TAF12: variants seen among roughly 807,000 people sequenced by gnomAD.
The protein encoded by TAF12 is TATA-box binding protein associated factor 12, also known as transcription initiation factor TFIID subunit 12.
Under a neutral mutation model 20.8 loss-of-function variants are expected in TAF12, and 3 were observed. The ratio of observed to expected loss-of-function variants is 0.14; its 90% CI spans 0.07 to 0.37. The LOEUF (loss-of-function observed/expected upper bound fraction) is 0.37, where lower values mean the gene tolerates loss of function less well. Among genes scored for constraint, TAF12 ranks in the 10% least tolerant of loss-of-function variants. TAF12 has a pLI of 1.00. For missense variants in TAF12, 131 were observed against 197.9 expected (o/e 0.66, Z 2.03); for synonymous variants, 69 against 70.2 (o/e 0.98, Z 0.09).
intron 4 of TAF12, among the ~76,000 whole-genome samples, chr1:28,612,137 T>C (rs898619217): frequency 6.6e-6 from 1 of 152,150 alleles, no homozygotes; most frequent in African/African-American, 2.4e-5. Flanking sequence ...CGAATCTCAT[T>C]CATTTGGCCT....
chr1:28,618,091 C>A (rs1667098962), intron 2 of TAF12, 61 bp from the exon 3 acceptor site: 2 of 1,493,800 alleles, frequency 1.3e-6, no homozygotes, highest in East Asian at 2.3e-5. Context: ...CAAATCATTA[C>A]CCTGTAATGA....
Position 28,613,282 on chromosome 1 carries a change from C to G in TAF12, c.326G>C (p.Ser109Thr), listed in dbSNP as rs1410119848. 6.2e-7 allele frequency: 1 copy of G among 1,612,358 alleles called. No individual in the cohort carries two copies. Among genetic ancestry groups the G allele is most frequent in the Admixed American group, 1.7e-5 (1 of 59,696 alleles). Residue 109 changes from serine to threonine, a missense_variant, in exon 4 of 6, where the codon AGC (serine) becomes ACC (threonine). Transcript: ENST00000373824. ...CTGGACATCTTTCACCTCCAGGGTG[C>G]TAGACTTGCGATGCCGCGCAAGCTG... ...ACQLARHRKS[S>T]TLEVKDVQLH... is the part of the protein sequence containing the mutation.
chr1:28,605,319 C>A, intron 5 of TAF12, 53 bp downstream of exon 5: 1 of 1,586,930 alleles, frequency 6.3e-7, no homozygotes, highest in South Asian at 1.1e-5. Context: ...CACTCTGAGA[C>A]GTAACTCAAG....
chr1:28,615,678 CAAAAAAAAAAAAAAAAAAAAAA>C (rs57536422), intron 3 of TAF12, among the ~76,000 whole-genome samples: 1 of 34,494 alleles, frequency 2.9e-5, no homozygotes, highest in Admixed American at 5.7e-4. Context: ...GACTCCGTCT[CAAAAAAAAAAAAAAAAAAAAAA>C]AAAAAAAAAA....
upstream of TAF12, chr1:28,645,967 G>GA (rs35962385): frequency 0.01 from 1,478 of 142,468 alleles, 15 homozygotes; most frequent in Non-Finnish European, 0.014. Context: ...GACTGTCTGG[G>GA]AAAAAAAAAA....
At chr1:28,611,367 T>C (rs1434279885) in intron 4 of TAF12, among the ~76,000 whole-genome samples, 1 of 152,112 alleles carries the variant, frequency 6.6e-6, no homozygotes, top group Non-Finnish European at 1.5e-5. Flanking sequence ...CGTTATGGGT[T>C]ATTTAAAAGT....
chr1:28,619,010 T>C (rs1394339351), intron 2 of TAF12, among the ~76,000 whole-genome samples: 1 of 151,766 alleles, frequency 6.6e-6, no homozygotes, highest in African/African-American at 2.4e-5. Context: ...ATTGTGCCAC[T>C]ACACTCCAGC....
At chr1:28,640,360 TTA>T (rs1339886996) in intron 1 of TAF12, among the ~76,000 whole-genome samples, 1 of 152,210 alleles carries the variant, frequency 6.6e-6, no homozygotes, top group Non-Finnish European at 1.5e-5. Context: ...TTTCATTCAA[TTA>T]TATGTTTTGT....
intron 3 of TAF12, among the ~76,000 whole-genome samples, chr1:28,617,314 G>A (rs1667074537): frequency 6.6e-6 from 1 of 152,082 alleles, no homozygotes; most frequent in Admixed American, 6.6e-5. Context: ...AGATTTGTCT[G>A]TGCTCTTATT....
chr1:28,626,665 T>C (rs1398802740), intron 1 of TAF12, among the ~76,000 whole-genome samples: 1 of 151,696 alleles, frequency 6.6e-6, no homozygotes, highest in Non-Finnish European at 1.5e-5. Context: ...TCTCAGTACT[T>C]TGGGAGACCG....
chr1:28,610,974 A>C (rs1046977405), intron 4 of TAF12, among the ~76,000 whole-genome samples: 8 of 92,804 alleles, frequency 8.6e-5, no homozygotes, highest in South Asian at 3.1e-4. Flanking sequence ...AAAAAAAAAA[A>C]AAAAAAAAAC....
At chr1:28,606,257 A>C (rs1289105660) in intron 4 of TAF12, among the ~76,000 whole-genome samples, 1 of 152,048 alleles carries the variant, frequency 6.6e-6, no homozygotes, top group African/African-American at 2.4e-5. Context: ...TCGAACTCCC[A>C]AAGTTCTAGG....
chr1:28,637,421 C>T (rs1667872836), intron 1 of TAF12, among the ~76,000 whole-genome samples: 1 of 152,070 alleles, frequency 6.6e-6, no homozygotes, highest in Non-Finnish European at 1.5e-5. Flanking sequence ...AATCCTAGAA[C>T]TTTGGGAGGC....
Position 28,629,014 on chromosome 1 carries a change from T to C in TAF12, c.-84-6849A>G, listed in dbSNP as rs533208913. 6.0e-4 allele frequency among the ~76,000 whole-genome samples: 91 copies of C among 152,312 alleles called. 1 individual carries two copies. In the South Asian group the frequency reaches 0.014, roughly 23 times the overall value. On this transcript the variant is annotated intron_variant, in intron 1 of 5. Coordinates refer to ENST00000373824, the MANE Select transcript of TAF12 (RefSeq NM_005644.4). ...TTGCATGGAGAGGCAGAGGTTGCAA[T>C]GAGCCAAGATTGCACCACTGCACTC...
In TAF12 at chr1:28,638,480, C is replaced by A. The variant is rs530135659; in HGVS notation, c.-85+4512G>T. Among the ~76,000 whole-genome samples the A allele has an allele frequency of 5.0e-4, 72 of 144,556 alleles. 1 individual carries two copies. Among genetic ancestry groups the A allele is most frequent in the African/African-American group, 1.8e-3 (70 of 38,830 alleles). 94.8% of individuals were successfully genotyped at this position (144,556 alleles called of 152,430 possible). ...CTGGGATTACAGGCATAAGCCACCG[C>A]GCCCGGCCTAATTTTTTTTTTTTTT... On this transcript the variant is annotated intron_variant, in intron 1 of 5. Coordinates refer to ENST00000373824, the MANE Select transcript of TAF12 (RefSeq NM_005644.4).
At chr1:28,608,324 G>A (rs537362628) in intron 4 of TAF12, among the ~76,000 whole-genome samples, 3 of 151,676 alleles carry the variant, frequency 2.0e-5, no homozygotes, top group African/African-American at 7.3e-5. Context: ...CAGCGTGGGC[G>A]ATAGAGCAAG....
intron 1 of TAF12, among the ~76,000 whole-genome samples, chr1:28,630,926 A>C (rs1667595285): frequency 6.6e-6 from 1 of 151,374 alleles, no homozygotes; most frequent in Non-Finnish European, 1.5e-5. Context: ...GGTGCCTATA[A>C]TCCCAGCTAC....
chr1:28,608,869 AG>A lies in TAF12; in HGVS notation c.362-3410del, dbSNP rs1487707599. 1.3e-3 allele frequency among the ~76,000 whole-genome samples: 205 copies of A among 151,904 alleles called. 2 individuals are homozygous for A. Among genetic ancestry groups the A allele is most frequent in the Non-Finnish European group, 4.3e-4 (29 of 67,944 alleles). On this transcript the variant is annotated intron_variant, in intron 4 of 5. Transcript: ENST00000373824. ...GGCAGGAGAATCACTTGAACCTGGA[AG>A]GCAGAGGTTGCAGTGAGCCGAGGTC...
intron 1 of TAF12, among the ~76,000 whole-genome samples, chr1:28,627,949 A>C (rs1272343802): frequency 1.3e-5 from 2 of 152,062 alleles, no homozygotes; most frequent in Non-Finnish European, 2.9e-5. Flanking sequence ...AAGATTTTAA[A>C]ACTGTAACAC....
Sources: gnomAD v4.1 joint callset for allele counts (sites outside exome capture counted in the v4.1 genomes callset) on GRCh38, gnomAD v4.1.1 for gene constraint, MANE v1.5 for transcripts, NCBI Gene and HGNC (gene_info 2026-07-23, HGNC 2026-07-21) for gene names.